PREX2: variants seen among roughly 807,000 people sequenced by gnomAD.
PREX2 encodes phosphatidylinositol 3,4,5-trisphosphate-dependent Rac exchanger 2 protein.
PREX2 carries 107 observed loss-of-function variants against 203.2 expected under a neutral mutation model. The ratio of observed to expected loss-of-function variants is 0.53; its 90% CI spans 0.45 to 0.62. PREX2 has a LOEUF of 0.62. Among genes scored for constraint, PREX2 ranks in the 20% least tolerant of loss-of-function variants. PREX2 has a pLI of 0.00. For synonymous variants in PREX2, 672 were observed against 663.6 expected, an observed-to-expected ratio of 1.01 and a Z score of -0.19; for missense variants, 1,777 against 1,955.9, an observed-to-expected ratio of 0.91 and a Z score of 1.72.
rs1813215080 is a variant in PREX2, at chr8:68,233,797, A to G, written c.*2419A>G. The G allele has an allele frequency of 6.6e-6, 1 of 152,190 alleles. No individual in the cohort carries two copies. The highest frequency in any genetic ancestry group is 1.5e-5 in the Non-Finnish European group (1 of 68,042). The allele number at this position is 152,190 out of a possible 1,614,324, so 9.4% of individuals were successfully genotyped here. ...CACATGATTGACAAGGGGTAGAACC[A>G]AAATTTGAACCCAGGAAGTCTGCCT... On this transcript the variant is annotated 3_prime_UTR_variant, in exon 40 of 40. Coordinates refer to ENST00000288368, the MANE Select transcript of PREX2 (RefSeq NM_024870.4).
intron 38 of PREX2, among the ~76,000 whole-genome samples, chr8:68,222,164 C>T (rs72662939): frequency 2.0e-5 from 3 of 152,252 alleles, no homozygotes; most frequent in Non-Finnish European, 2.9e-5. Flanking sequence ...TTAGCCCTGC[C>T]TGCTGGAAAG....
intron 1 of PREX2, among the ~76,000 whole-genome samples, chr8:67,989,606 G>A (rs1806539618): frequency 6.6e-6 from 1 of 152,110 alleles, no homozygotes; most frequent in Non-Finnish European, 1.5e-5. Flanking sequence ...AACTATTGAT[G>A]ATTTTGCCAC....
chr8:67,972,432 T>A (rs902457383), intron 1 of PREX2, among the ~76,000 whole-genome samples: 2 of 152,282 alleles, frequency 1.3e-5, no homozygotes, highest in African/African-American at 4.8e-5. Context: ...TCAGGTTCCC[T>A]GACTACATCG....
chr8:68,077,113 C>A (rs370826791), intron 14 of PREX2, among the ~76,000 whole-genome samples: 1 of 152,192 alleles, frequency 6.6e-6, no homozygotes, highest in Non-Finnish European at 1.5e-5. Context: ...TAACAGGCAT[C>A]ATTTATGGTA....
intron 4 of PREX2, among the ~76,000 whole-genome samples, chr8:68,024,359 C>T (rs942992184): frequency 2.0e-5 from 3 of 151,924 alleles, no homozygotes; most frequent in African/African-American, 7.2e-5. Flanking sequence ...TTTTGGGACT[C>T]TGTTAGATAT....
intron 37 of PREX2, among the ~76,000 whole-genome samples, chr8:68,214,818 C>G (rs1812802771): frequency 6.6e-6 from 1 of 152,100 alleles, no homozygotes; most frequent in Non-Finnish European, 1.5e-5. Flanking sequence ...TTGGTTGGAC[C>G]CATCAACCAT....
At chr8:68,109,045 G>A (rs1413097878) in intron 24 of PREX2, 7 of 449,472 alleles carry the variant, frequency 1.6e-5, no homozygotes, top group Non-Finnish European at 3.1e-5. Flanking sequence ...AGGGCCTGGG[G>A]TGGTTGGGTG....
At chr8:68,030,137 C>A (rs1000759826) in intron 5 of PREX2, among the ~76,000 whole-genome samples, 7 of 151,850 alleles carry the variant, frequency 4.6e-5, no homozygotes, top group African/African-American at 1.5e-4. Context: ...CTGTTAAAGA[C>A]CCTAGAAAAA....
At chr8:68,009,604 A>G (rs1253455103) in intron 1 of PREX2, among the ~76,000 whole-genome samples, 1 of 152,206 alleles carries the variant, frequency 6.6e-6, no homozygotes, top group Non-Finnish European at 1.5e-5. Flanking sequence ...TGACACCATG[A>G]AACATACTTT....
chr8:68,156,075 T>G (rs918033139), intron 34 of PREX2, among the ~76,000 whole-genome samples: 7 of 150,716 alleles, frequency 4.6e-5, no homozygotes, highest in African/African-American at 1.7e-4. Context: ...TACTGTTGTT[T>G]TAGAAGACAG....
Position 68,044,502 on chromosome 8 carries a change from C to T in PREX2, c.855C>T (p.Ser285=), listed in dbSNP as rs747868510. 6.2e-7 allele frequency: 1 copy of T among 1,611,228 alleles called. No individual in the cohort carries two copies. Among genetic ancestry groups the T allele is most frequent in the Non-Finnish European group, 8.5e-7 (1 of 1,177,774 alleles). The change falls in exon 8 of 40, where the codon AGC becomes AGT. Residue 285 remains serine (S), a synonymous_variant. Coordinates refer to ENST00000288368, the MANE Select transcript of PREX2 (RefSeq NM_024870.4). ...CKRKHRRLKN[S]KASTDGHRYL... ...CCATCTTAAGACGGTTGAAGAACAG[C>T]AAGGCATCTACAGATGGACATCGGT...
chr8:68,093,826 C>G, intron 21 of PREX2, 104 bp downstream of exon 21: 1 of 542,242 alleles, frequency 1.8e-6, no homozygotes, highest in East Asian at 2.9e-5. Flanking sequence ...AAGCCACATT[C>G]TTAAGTCGTT....
At chr8:68,186,029 G>A (rs13275280) in intron 35 of PREX2, among the ~76,000 whole-genome samples, 44,694 of 130,296 alleles carry the variant, frequency 0.34, 10,036 homozygotes, top group Non-Finnish European at 0.43. Context: ...TTTTAATTAA[G>A]GAAAGTGCTT....
chr8:68,217,550 T>A, intron 37 of PREX2, 66 bp from the exon 38 acceptor site: 2 of 1,137,522 alleles, frequency 1.8e-6, no homozygotes, highest in South Asian at 1.3e-5. Context: ...TGATTAGTAA[T>A]CCACATCATC....
At chr8:68,111,142 A>C (rs1322085459) in intron 25 of PREX2, 1 of 211,522 alleles carries the variant, frequency 4.7e-6, no homozygotes. Flanking sequence ...AGTATATAGA[A>C]TTTTTATTAA....
At chr8:68,146,677 A>T (rs570943439) in intron 34 of PREX2, among the ~76,000 whole-genome samples, 1 of 152,268 alleles carries the variant, frequency 6.6e-6, no homozygotes, top group East Asian at 1.9e-4. Flanking sequence ...ATTTTATGAG[A>T]TAGAAAAAGT....
chr8:68,234,454 A>C lies in PREX2; in HGVS notation c.*3076A>C, dbSNP rs1305737585. ...AAATAATTGTGAACTAAAAATTCATAGTCAATACTTTTTAAGCATTCTATT... is the reference window on the plus strand; with the variant it reads ...AAATAATTGTGAACTAAAAATTCATCGTCAATACTTTTTAAGCATTCTATT... On this transcript the variant is annotated 3_prime_UTR_variant, in exon 40 of 40. Coordinates refer to ENST00000288368, the MANE Select transcript of PREX2 (RefSeq NM_024870.4). The C allele has an allele frequency of 6.6e-6, 1 of 152,188 alleles. No homozygotes were observed. Among genetic ancestry groups the C allele is most frequent in the African/African-American group, 2.4e-5 (1 of 41,456 alleles). 9.4% of individuals were successfully genotyped at this position (152,188 alleles called of 1,614,324 possible). A position where few individuals can be genotyped will look rare whatever the true frequency, so the allele number is the denominator to read the frequency against.
intron 6 of PREX2, among the ~76,000 whole-genome samples, chr8:68,030,914 T>A (rs1206254694): frequency 6.6e-6 from 1 of 152,164 alleles, no homozygotes; most frequent in East Asian, 1.9e-4. Context: ...AGCTTTAATA[T>A]TTTAGCATTT....
chr8:68,016,166 A>G (rs1807404538), intron 1 of PREX2, among the ~76,000 whole-genome samples: 1 of 152,228 alleles, frequency 6.6e-6, no homozygotes, highest in Non-Finnish European at 1.5e-5. Flanking sequence ...TAGAAAGTGT[A>G]CAAAGGTCAA....
Sources: allele counts gnomAD v4.1 joint callset (sites outside exome capture counted in the v4.1 genomes callset), GRCh38; gene constraint gnomAD v4.1.1; transcripts MANE v1.5; gene names NCBI Gene and HGNC (gene_info 2026-07-23, HGNC 2026-07-21).